Variants in NDUFS4 observed in about 807,000 individuals in gnomAD.
NDUFS4 encodes NADH dehydrogenase [ubiquinone] iron-sulfur protein 4, mitochondrial.
Under a neutral mutation model 24.3 loss-of-function variants are expected in NDUFS4, and 28 were observed. That is an observed-to-expected ratio of 1.15 (90% CI 0.85 to 1.58). NDUFS4 has a LOEUF of 1.58. Ranked by LOEUF, NDUFS4 falls within the 40% of genes most tolerant of loss-of-function variation. The probability of loss-of-function intolerance (pLI) is 0.00; values close to 1 mark genes in which losing one functional copy is unlikely to be tolerated. For missense variants in NDUFS4, 223 were observed against 207.9 expected (o/e 1.07, Z -0.45); for synonymous variants, 93 against 69.7 (o/e 1.34, Z -1.67).
At chr5:53,664,695 G>A (rs934476938) in intron 4 of NDUFS4, among the ~76,000 whole-genome samples, 1 of 152,012 alleles carries the variant, frequency 6.6e-6, no homozygotes, top group African/African-American at 2.4e-5. Context: ...GTCCTTTAAG[G>A]ACTTCTCTGC....
intron 3 of NDUFS4, 62 bp from the exon 4 acceptor site, chr5:53,658,489 T>C (rs1013592311): frequency 1.8e-6 from 2 of 1,110,390 alleles, no homozygotes; most frequent in African/African-American, 1.5e-5. Flanking sequence ...ATTTTAAATA[T>C]TGATTTTGTT....
chr5:53,645,017 T>C (rs1751818575), intron 2 of NDUFS4, among the ~76,000 whole-genome samples: 1 of 152,106 alleles, frequency 6.6e-6, no homozygotes, highest in Non-Finnish European at 1.5e-5. Flanking sequence ...GTTCATAGCA[T>C]TGATAGATTG....
chr5:53,680,129 C>T (rs1740611040), intron 4 of NDUFS4, among the ~76,000 whole-genome samples: 1 of 151,702 alleles, frequency 6.6e-6, no homozygotes, highest in African/African-American at 2.4e-5. Context: ...GGTTTTGCAA[C>T]TTATTAGCCC....
intron 1 of NDUFS4, among the ~76,000 whole-genome samples, chr5:53,593,124 C>T (rs995201429): frequency 2.6e-5 from 4 of 151,984 alleles, no homozygotes; most frequent in African/African-American, 9.7e-5. Flanking sequence ...GTCATTTCTT[C>T]CTTAAATATT....
chr5:53,681,471 T>G (rs1022103845), intron 4 of NDUFS4, among the ~76,000 whole-genome samples: 1 of 152,186 alleles, frequency 6.6e-6, no homozygotes, highest in Non-Finnish European at 1.5e-5. Flanking sequence ...GACAACCTTA[T>G]GAAAGACAAA....
chr5:53,623,223 A>G (rs540897272), intron 2 of NDUFS4, among the ~76,000 whole-genome samples: 1 of 152,324 alleles, frequency 6.6e-6, no homozygotes, highest in East Asian at 1.9e-4. Flanking sequence ...GCACCATTTT[A>G]CATTCCCACA....
intron 2 of NDUFS4, among the ~76,000 whole-genome samples, chr5:53,645,883 T>C (rs2112506807): frequency 6.6e-6 from 1 of 152,308 alleles, no homozygotes; most frequent in East Asian, 1.9e-4. Context: ...TTTTCTCCTC[T>C]GACTAGTTCG....
chr5:53,579,418 G>C (rs1422856471), intron 1 of NDUFS4, among the ~76,000 whole-genome samples: 1 of 152,104 alleles, frequency 6.6e-6, no homozygotes, highest in African/African-American at 2.4e-5. Context: ...TTCTCTGTGA[G>C]GCTGAATAAT....
chr5:53,648,980 C>T (rs946630294), intron 3 of NDUFS4, among the ~76,000 whole-genome samples: 3 of 152,212 alleles, frequency 2.0e-5, no homozygotes, highest in African/African-American at 7.2e-5. Flanking sequence ...TAATCATCCT[C>T]TTCCATAAGG....
chr5:53,630,561 G>T (rs1312436393), intron 2 of NDUFS4, among the ~76,000 whole-genome samples: 2 of 151,856 alleles, frequency 1.3e-5, no homozygotes, highest in African/African-American at 4.8e-5. Flanking sequence ...TATATTTCTT[G>T]GAGGCTTTGT....
intron 2 of NDUFS4, among the ~76,000 whole-genome samples, chr5:53,622,848 C>T (rs535341147): frequency 9.2e-4 from 140 of 152,222 alleles, no homozygotes; most frequent in Non-Finnish European, 1.7e-3. Context: ...TTCATCATCC[C>T]GAATAGAAAC....
chr5:53,595,983 T>G (rs1750121233), intron 1 of NDUFS4, among the ~76,000 whole-genome samples: 1 of 152,234 alleles, frequency 6.6e-6, no homozygotes, highest in African/African-American at 2.4e-5. Flanking sequence ...GATTAGAAAT[T>G]ACTGCAAAAA....
chr5:53,576,360 G>A (rs956092774), intron 1 of NDUFS4, among the ~76,000 whole-genome samples: 3 of 152,202 alleles, frequency 2.0e-5, no homozygotes, highest in African/African-American at 7.2e-5. Flanking sequence ...GAAAGGGTAA[G>A]GGTGCACCTA....
At chr5:53,645,335 A>G (rs895566175) in intron 2 of NDUFS4, among the ~76,000 whole-genome samples, 6 of 152,144 alleles carry the variant, frequency 3.9e-5, no homozygotes, top group Non-Finnish European at 7.4e-5. Flanking sequence ...GACCTTGGCA[A>G]TGGCCTTGAG....
At chr5:53,646,486 CT>C in intron 3 of NDUFS4, 81 bp downstream of exon 3, 3 of 1,431,166 alleles carry the variant, frequency 2.1e-6, no homozygotes, top group Non-Finnish European at 2.9e-6. Flanking sequence ...TTTTCAAACT[CT>C]TTTATGTACA....
chr5:53,644,043 T>C (rs1369925515), intron 2 of NDUFS4, among the ~76,000 whole-genome samples: 1 of 152,298 alleles, frequency 6.6e-6, no homozygotes, highest in Non-Finnish European at 1.5e-5. Flanking sequence ...ATACTGTCCT[T>C]TCTACTTTGT....
intron 1 of NDUFS4, among the ~76,000 whole-genome samples, chr5:53,596,145 C>T (rs1467397675): frequency 6.6e-6 from 1 of 151,888 alleles, no homozygotes; most frequent in East Asian, 1.9e-4. Context: ...AAAATGGTCC[C>T]TTAGGCTGGG....
In NDUFS4 at chr5:53,652,938, CT is replaced by C. The variant is rs576656800; in HGVS notation, c.351-5601del. Among the ~76,000 whole-genome samples the C allele has an allele frequency of 5.0e-3, 725 of 144,338 alleles. 5 individuals are homozygous for C. The highest frequency in any genetic ancestry group is 0.013 in the African/African-American group (514 of 39,852). The allele number at this position is 144,338 out of a possible 152,430, so 94.7% of individuals were successfully genotyped here. On this transcript the variant is annotated intron_variant, in intron 3 of 4. Coordinates refer to ENST00000296684, the MANE Select transcript of NDUFS4 (RefSeq NM_002495.4). ...AAAGATAACTATTGGTTATTAATCT[CT>C]TTTTTTTTTTTACAATCTTTTATCT...
intron 4 of NDUFS4, among the ~76,000 whole-genome samples, chr5:53,666,997 C>A (rs1317056317): frequency 6.6e-6 from 1 of 152,162 alleles, no homozygotes; most frequent in East Asian, 1.9e-4. Flanking sequence ...TGAAACCATT[C>A]TCCTCTCCTG....
Sources: allele counts gnomAD v4.1 joint callset (sites outside exome capture counted in the v4.1 genomes callset), GRCh38; gene constraint gnomAD v4.1.1; transcripts MANE v1.5; gene names NCBI Gene and HGNC (gene_info 2026-07-23, HGNC 2026-07-21).